The following ZNF827 variants were observed in gnomAD, a reference collection of about 807,000 sequenced individuals.
ZNF827 encodes the protein zinc finger protein 827.
ZNF827 carries 13 observed loss-of-function variants against 102.4 expected under a neutral mutation model. The observed-to-expected ratio is 0.13, with a 90% CI of 0.08 to 0.20. The LOEUF is 0.20. Ranked by LOEUF, ZNF827 falls within the 10% of genes least tolerant of loss-of-function variation. The pLI is 1.00. For missense variants in ZNF827, 1,103 were observed against 1,344.4 expected (o/e 0.82, Z 2.81); for synonymous variants, 523 against 536.2 (o/e 0.98, Z 0.34).
chr4:145,838,145 A>G (rs1334081308), intron 7 of ZNF827, among the ~76,000 whole-genome samples: 1 of 152,194 alleles, frequency 6.6e-6, no homozygotes, highest in Non-Finnish European at 1.5e-5. Context: ...AAGAATCACA[A>G]AAGAAGTGAA....
At chr4:145,919,242 GA>G (rs1173222329) in intron 1 of ZNF827, among the ~76,000 whole-genome samples, 5 of 152,156 alleles carry the variant, frequency 3.3e-5, no homozygotes, top group African/African-American at 1.2e-4. Context: ...TAAGAGTTAA[GA>G]TCCTGTCTCA....
intron 8 of ZNF827, among the ~76,000 whole-genome samples, chr4:145,787,922 C>T (rs993958245): frequency 2.6e-5 from 4 of 152,130 alleles, no homozygotes; most frequent in African/African-American, 9.7e-5. Context: ...CTCCATCCTG[C>T]CCCAAACCCA....
chr4:145,900,000 C>T (rs1751289576), intron 2 of ZNF827, among the ~76,000 whole-genome samples: 2 of 152,224 alleles, frequency 1.3e-5, no homozygotes, highest in African/African-American at 4.8e-5. Context: ...GAGAACCCCA[C>T]TGAGTTGCTG....
At position 145,885,916 on chromosome 4, in the gene ZNF827, C is replaced by A; in HGVS notation, c.1509G>T (p.Thr503=). Residue 503 remains threonine, a synonymous_variant, in exon 4 of 15, where the codon ACG becomes ACT. Coordinates refer to ENST00000508784, the MANE Select transcript of ZNF827 (RefSeq NM_001306215.2). Reference sequence around the variant, plus strand: ...GGCTAGTCCTCTCTGGAGTGTTAGACGTCATCATGGTCCCCACTAGCTCTG... The same window carrying A: ...GGCTAGTCCTCTCTGGAGTGTTAGAAGTCATCATGGTCCCCACTAGCTCTG... ...GGTELVGTMM[T]SNTPERTSQG... The A allele has an allele frequency of 6.2e-7, 1 of 1,614,192 alleles. No individual in the cohort carries two copies. Among genetic ancestry groups the A allele is most frequent in the Non-Finnish European group, 8.5e-7 (1 of 1,180,028 alleles).
intron 7 of ZNF827, among the ~76,000 whole-genome samples, chr4:145,839,960 C>A (rs540474205): frequency 6.6e-6 from 1 of 152,066 alleles, no homozygotes; most frequent in Non-Finnish European, 1.5e-5. Flanking sequence ...GGAAGCATAT[C>A]GTTCCAATAT....
At chr4:145,865,042 A>G (rs1748058857) in intron 5 of ZNF827, among the ~76,000 whole-genome samples, 1 of 152,248 alleles carries the variant, frequency 6.6e-6, no homozygotes, top group Non-Finnish European at 1.5e-5. Context: ...TTAACCTCAA[A>G]TAATTGTTTA....
chr4:145,832,640 A>G (rs1744341312), intron 7 of ZNF827: 1 of 152,280 alleles, frequency 6.6e-6, no homozygotes, highest in African/African-American at 2.4e-5. Flanking sequence ...AAGCCAAGCC[A>G]TCGCATCCCC....
In ZNF827 at chr4:145,902,984, C is replaced by T. The variant is rs747511149; in HGVS notation, c.275G>A (p.Arg92Gln). Residue 92 changes from arginine (R) to glutamine (Q), a missense_variant, in exon 2 of 15, where the codon CGA becomes CAA. Transcript: ENST00000508784. The surrounding 1 kb of genome is among the most constrained non-coding windows in gnomAD (Gnocchi z 4.3). ...ELVALDSEVL[R>Q]DSLQCQDHLS... Reference sequence around the variant, plus strand: ...GTGATCTTGACACTGCAGTGAGTCTCGCAGGACCTCACTGTCCAGTGCCAC... The same window carrying T: ...GTGATCTTGACACTGCAGTGAGTCTTGCAGGACCTCACTGTCCAGTGCCAC... The T allele has an allele frequency of 1.4e-5, 23 of 1,614,020 alleles. No homozygotes were observed. The highest frequency in any genetic ancestry group is 6.7e-5 in the Admixed American group (4 of 60,004).
At chr4:145,842,834 T>C (rs1745549941) in intron 7 of ZNF827, among the ~76,000 whole-genome samples, 1 of 152,202 alleles carries the variant, frequency 6.6e-6, no homozygotes, top group African/African-American at 2.4e-5. Flanking sequence ...TCATGAACCG[T>C]CCTTCTGAAT....
At chr4:145,786,361 C>T (rs757784202) in intron 8 of ZNF827, among the ~76,000 whole-genome samples, 1 of 152,110 alleles carries the variant, frequency 6.6e-6, no homozygotes, top group Non-Finnish European at 1.5e-5. Flanking sequence ...CTTTATTTGG[C>T]GACAGCTGTA....
At chr4:145,877,605 G>T (rs1040641372) in intron 4 of ZNF827, among the ~76,000 whole-genome samples, 1 of 152,082 alleles carries the variant, frequency 6.6e-6, no homozygotes, top group African/African-American at 2.4e-5. Flanking sequence ...CCACCCTTCA[G>T]TGTCTATGTA....
Position 145,936,879 on chromosome 4 carries a change from C to T in ZNF827, c.43+1486G>A, listed in dbSNP as rs1396918636. On this transcript the variant is annotated intron_variant, in intron 1 of 14. Transcript: ENST00000508784. Reference sequence around the variant, plus strand: ...GCCCGGGTTTTGCAGGATCGGGCTCCGAGCAGCGCCAAACCGCCGGGAGAG... The same window carrying T: ...GCCCGGGTTTTGCAGGATCGGGCTCTGAGCAGCGCCAAACCGCCGGGAGAG... 3.3e-5 allele frequency among the ~76,000 whole-genome samples: 5 copies of T among 152,022 alleles called. No homozygotes were observed. In the South Asian group the frequency reaches 1.0e-3, roughly 32 times the overall value.
Position 145,938,614 on chromosome 4 carries a change from C to CT in ZNF827, c.-208dup, listed in dbSNP as rs1754407433. ...GGGGTTTTCTTCTTTTCTTTCCTTT[C>CT]TTTTTTCCTTTTTTTTTTTTTTTTA... On this transcript the variant is annotated 5_prime_UTR_variant, in exon 1 of 15. Transcript: ENST00000508784. 2 of 488,364 alleles carry CT rather than the reference C, an allele frequency of 4.1e-6. No homozygotes were observed. Among genetic ancestry groups the CT allele is most frequent in the Non-Finnish European group, 7.2e-6 (2 of 277,788 alleles). The allele number at this position is 488,364 out of a possible 1,614,324, so 30.3% of individuals were successfully genotyped here. A position where few individuals can be genotyped will look rare whatever the true frequency, so the allele number is the denominator to read the frequency against.
chr4:145,875,061 T>G (rs1749040879), intron 4 of ZNF827, among the ~76,000 whole-genome samples: 1 of 152,244 alleles, frequency 6.6e-6, no homozygotes, highest in African/African-American at 2.4e-5. Context: ...AGGAAATTAC[T>G]GTATAACTAG....
At chr4:145,822,038 T>G (rs1032154596) in intron 8 of ZNF827, among the ~76,000 whole-genome samples, 4 of 152,136 alleles carry the variant, frequency 2.6e-5, no homozygotes, top group Non-Finnish European at 4.4e-5. Flanking sequence ...GGCAATAATT[T>G]TGGGACCAGG....
At chr4:145,897,686 TA>T (rs1201698493) in intron 2 of ZNF827, among the ~76,000 whole-genome samples, 1 of 152,264 alleles carries the variant, frequency 6.6e-6, no homozygotes, top group Admixed American at 6.5e-5. Context: ...CTGACTTTAT[TA>T]ATGCCTATTT....
intron 4 of ZNF827, among the ~76,000 whole-genome samples, chr4:145,884,400 A>C (rs1749933064): frequency 6.6e-6 from 1 of 152,184 alleles, no homozygotes; most frequent in Admixed American, 6.5e-5. Flanking sequence ...AATGCGACTC[A>C]CATTCCATTT....
intron 4 of ZNF827, among the ~76,000 whole-genome samples, chr4:145,875,108 T>C (rs974232822): frequency 2.6e-5 from 4 of 152,234 alleles, no homozygotes; most frequent in African/African-American, 7.2e-5. Flanking sequence ...TCTAGTTATA[T>C]AGTAATTGGG....
chr4:145,778,022 T>G (rs1737365890), intron 9 of ZNF827, among the ~76,000 whole-genome samples: 1 of 152,158 alleles, frequency 6.6e-6, no homozygotes, highest in Non-Finnish European at 1.5e-5. Flanking sequence ...TTGAACATGT[T>G]AAAGTTTTCC....
Sources: allele counts gnomAD v4.1 joint callset (sites outside exome capture counted in the v4.1 genomes callset), GRCh38; gene constraint gnomAD v4.1.1; non-coding constraint Gnocchi (gnomAD v3.1); transcripts MANE v1.5; gene names NCBI Gene and HGNC (gene_info 2026-07-23, HGNC 2026-07-21).